The following CPED1 variants were observed in gnomAD, a reference collection of about 807,000 sequenced individuals.
CPED1 encodes cadherin-like and PC-esterase domain-containing protein 1.
A neutral mutation model predicts 128.2 loss-of-function variants in CPED1; 114 were observed. That is an observed-to-expected ratio of 0.89 (90% CI 0.76 to 1.04). The LOEUF is 1.04. Among genes scored for constraint, CPED1 ranks in the 50% least tolerant of loss-of-function variants. The pLI, the probability that CPED1 is intolerant of heterozygous loss-of-function variation, is 0.00. For synonymous variants in CPED1, 462 were observed against 426.7 expected (o/e 1.08, Z -1.02); for missense variants, 1,211 against 1,207.1 (o/e 1.00, Z -0.05).
intron 7 of CPED1, among the ~76,000 whole-genome samples, chr7:121,115,058 A>T (rs1795204461): frequency 1.3e-5 from 2 of 152,282 alleles, no homozygotes; most frequent in African/African-American, 4.8e-5. Flanking sequence ...TCTGTTCTTT[A>T]TGAGCAGGGG....
chr7:121,026,244 A>G (rs1792578398), intron 3 of CPED1, among the ~76,000 whole-genome samples: 1 of 152,178 alleles, frequency 6.6e-6, no homozygotes, highest in Admixed American at 6.5e-5. Context: ...TGGAATCTCA[A>G]GTTTTCAAGA....
At chr7:121,251,196 C>A (rs1562850673) in intron 18 of CPED1, among the ~76,000 whole-genome samples, 1 of 152,154 alleles carries the variant, frequency 6.6e-6, no homozygotes, top group Non-Finnish European at 1.5e-5. Context: ...AGCATATAAA[C>A]AGAACCAAAG....
intron 2 of CPED1, among the ~76,000 whole-genome samples, chr7:121,004,029 C>A (rs528439005): frequency 6.6e-6 from 1 of 152,168 alleles, no homozygotes; most frequent in African/African-American, 2.4e-5. Context: ...GATAAGGCAA[C>A]GTTTCTCTGG....
intron 5 of CPED1, among the ~76,000 whole-genome samples, chr7:121,078,498 G>A (rs796269213): frequency 0.012 from 1,220 of 100,214 alleles, 4 homozygotes; most frequent in Non-Finnish European, 0.014. Context: ...AAGAAAGAAA[G>A]AAAAAAAAAA....
intron 6 of CPED1, among the ~76,000 whole-genome samples, chr7:121,099,675 A>G (rs1266429649): frequency 2.6e-5 from 4 of 152,020 alleles, no homozygotes; most frequent in Admixed American, 6.6e-5. Context: ...CACCTTTTTT[A>G]CTTTTTAAAA....
chr7:121,162,695 T>C (rs1186940709), intron 16 of CPED1, among the ~76,000 whole-genome samples: 1 of 152,190 alleles, frequency 6.6e-6, no homozygotes, highest in Non-Finnish European at 1.5e-5. Flanking sequence ...GTCATCTGTT[T>C]CCTCTCCATC....
At chr7:121,074,930 T>C (rs1042518293) in intron 5 of CPED1, among the ~76,000 whole-genome samples, 1 of 152,200 alleles carries the variant, frequency 6.6e-6, no homozygotes, top group African/African-American at 2.4e-5. Flanking sequence ...GATGGCTTTA[T>C]GAATTTTATT....
intron 3 of CPED1, among the ~76,000 whole-genome samples, chr7:121,018,084 T>A (rs1470318500): frequency 6.6e-6 from 1 of 152,204 alleles, no homozygotes; most frequent in Admixed American, 6.5e-5. Flanking sequence ...TTTTTGTTTT[T>A]TTATTTGATT....
chr7:121,138,580 C>T (rs1485670696), intron 14 of CPED1, among the ~76,000 whole-genome samples: 1 of 152,000 alleles, frequency 6.6e-6, no homozygotes, highest in Admixed American at 6.6e-5. Context: ...TCATCTAGGG[C>T]TGTTTCAGTT....
intron 7 of CPED1, among the ~76,000 whole-genome samples, chr7:121,101,565 G>A (rs771818696): frequency 8.6e-5 from 13 of 151,936 alleles, no homozygotes; most frequent in South Asian, 2.1e-4. Context: ...CTTTTGAATC[G>A]TACAATCTGT....
At chr7:121,190,115 A>G (rs1446634681) in intron 16 of CPED1, among the ~76,000 whole-genome samples, 1 of 151,564 alleles carries the variant, frequency 6.6e-6, no homozygotes, top group African/African-American at 2.4e-5. Flanking sequence ...TAAACAAGAT[A>G]AAAAGTCAGA....
At chr7:121,137,023 ACG>A (rs1484341092) in intron 14 of CPED1, among the ~76,000 whole-genome samples, 4 of 152,020 alleles carry the variant, frequency 2.6e-5, no homozygotes, top group African/African-American at 9.7e-5. Context: ...ATATATATAT[ACG>A]TGTGTGTATG....
At chr7:121,020,593 C>T (rs949999113) in intron 3 of CPED1, among the ~76,000 whole-genome samples, 2 of 151,844 alleles carry the variant, frequency 1.3e-5, no homozygotes, top group Non-Finnish European at 2.9e-5. Context: ...TTTTAACTTA[C>T]ACCAAATCTT....
chr7:121,206,716 C>T (rs1797526005), intron 16 of CPED1, among the ~76,000 whole-genome samples: 1 of 151,784 alleles, frequency 6.6e-6, no homozygotes, highest in African/African-American at 2.4e-5. Flanking sequence ...TCAGTACATA[C>T]TAATTTGTTT....
intron 3 of CPED1, among the ~76,000 whole-genome samples, chr7:121,019,766 G>GA (rs1792389651): frequency 6.6e-6 from 1 of 151,910 alleles, no homozygotes. Flanking sequence ...CCTTGCTTTG[G>GA]AAAAATATAT....
chr7:121,205,989 C>A (rs778836032), intron 16 of CPED1, among the ~76,000 whole-genome samples: 2 of 152,032 alleles, frequency 1.3e-5, no homozygotes, highest in Admixed American at 6.6e-5. Flanking sequence ...TAGACAGCTG[C>A]TTTTTCAGGA....
chr7:121,071,288 C>A (rs998554927), intron 5 of CPED1, among the ~76,000 whole-genome samples: 1 of 152,114 alleles, frequency 6.6e-6, no homozygotes, highest in Non-Finnish European at 1.5e-5. Flanking sequence ...AGATCCCATC[C>A]AGTGGTCTAG....
At chr7:121,185,732 A>G (rs1033648996) in intron 16 of CPED1, among the ~76,000 whole-genome samples, 5 of 152,208 alleles carry the variant, frequency 3.3e-5, no homozygotes, top group African/African-American at 7.2e-5. Context: ...CTTTGCATCT[A>G]CTGGGGGTTC....
chr7:121,189,199 G>C (rs1797070921), intron 16 of CPED1, among the ~76,000 whole-genome samples: 1 of 152,100 alleles, frequency 6.6e-6, no homozygotes, highest in Non-Finnish European at 1.5e-5. Flanking sequence ...TTTGAAGCCA[G>C]TATGAAAAAG....
Sources: gnomAD v4.1 joint callset for allele counts (sites outside exome capture counted in the v4.1 genomes callset) on GRCh38, gnomAD v4.1.1 for gene constraint, MANE v1.5 for transcripts, NCBI Gene and HGNC (gene_info 2026-07-23, HGNC 2026-07-21) for gene names.